SLC8A1: variants seen among roughly 807,000 people sequenced by gnomAD.
SLC8A1 encodes the protein sodium/calcium exchanger 1.
A neutral mutation model predicts 68.3 loss-of-function variants in SLC8A1; 18 were observed. That is an observed-to-expected ratio of 0.26 (90% CI 0.18 to 0.39). The LOEUF is 0.39. SLC8A1 is among the 10% of genes least tolerant of loss of function. The pLI is 1.00. For synonymous variants in SLC8A1, 475 were observed against 415.5 expected (o/e 1.14, Z -1.74); for missense variants, 985 against 1,156.7 (o/e 0.85, Z 2.15).
chr2:40,250,531 C>A (rs957254213), intron 2 of SLC8A1: 1 of 150,860 alleles, frequency 6.6e-6, no homozygotes, highest in African/African-American at 2.5e-5. Context: ...CGTGGGGGGG[C>A]GGTGTCAGGA....
intron 2 of SLC8A1, among the ~76,000 whole-genome samples, chr2:40,398,214 C>G (rs995084674): frequency 2.0e-5 from 3 of 152,206 alleles, no homozygotes; most frequent in Non-Finnish European, 2.9e-5. Context: ...GGTCCCTTCT[C>G]CCTAGTCTTG....
intron 2 of SLC8A1, among the ~76,000 whole-genome samples, chr2:40,203,690 C>T (rs2148724021): frequency 6.6e-6 from 1 of 151,956 alleles, no homozygotes; most frequent in East Asian, 1.9e-4. Flanking sequence ...AATCAAATGC[C>T]TGCATTCTAA....
chr2:40,399,633 C>G (rs1361136925), intron 2 of SLC8A1, among the ~76,000 whole-genome samples: 3 of 152,048 alleles, frequency 2.0e-5, no homozygotes, highest in African/African-American at 7.2e-5. Flanking sequence ...GTTATGTTAC[C>G]AAAAATGCTA....
intron 2 of SLC8A1, among the ~76,000 whole-genome samples, chr2:40,255,658 G>GAAAA (rs775580985): frequency 6.6e-6 from 1 of 152,076 alleles, no homozygotes; most frequent in Non-Finnish European, 1.5e-5. Flanking sequence ...TTTTGTTGTG[G>GAAAA]AAAATAAATA....
intron 2 of SLC8A1, among the ~76,000 whole-genome samples, chr2:40,351,492 C>T (rs537258444): frequency 6.6e-5 from 10 of 152,024 alleles, no homozygotes; most frequent in African/African-American, 2.4e-4. Flanking sequence ...TCTGCCCCTC[C>T]TGTGATGCCG....
intron 1 of SLC8A1, among the ~76,000 whole-genome samples, chr2:40,447,684 TA>T (rs1701707397): frequency 6.6e-6 from 1 of 152,158 alleles, no homozygotes; most frequent in African/African-American, 2.4e-5. Context: ...TATTAGGGTC[TA>T]TTAGATAGAA....
At chr2:40,151,819 G>C (rs1318402723) in intron 6 of SLC8A1, among the ~76,000 whole-genome samples, 2 of 152,176 alleles carry the variant, frequency 1.3e-5, no homozygotes, top group African/African-American at 4.8e-5. Context: ...AAAGTTTAGT[G>C]AGTGGCATTG....
At chr2:40,198,995 C>A (rs574851859) in intron 2 of SLC8A1, among the ~76,000 whole-genome samples, 2 of 150,702 alleles carry the variant, frequency 1.3e-5, no homozygotes, top group South Asian at 2.1e-4. Flanking sequence ...CATGAATGTT[C>A]TATTGTAAGC....
intron 2 of SLC8A1, among the ~76,000 whole-genome samples, chr2:40,250,759 G>C (rs918918191): frequency 1.3e-5 from 2 of 152,154 alleles, no homozygotes; most frequent in African/African-American, 2.4e-5. Flanking sequence ...TGTTCCACTG[G>C]TTTAGAATTT....
chr2:40,473,535 C>T (rs1704113730), intron 1 of SLC8A1, among the ~76,000 whole-genome samples: 1 of 152,146 alleles, frequency 6.6e-6, no homozygotes, highest in African/African-American at 2.4e-5. Context: ...CTTGTAAAGA[C>T]AAACATTTTA....
At chr2:40,385,358 C>G (rs1308884876) in intron 2 of SLC8A1, among the ~76,000 whole-genome samples, 1 of 146,828 alleles carries the variant, frequency 6.8e-6, no homozygotes, top group Non-Finnish European at 1.5e-5. Flanking sequence ...AGAAAGTTGT[C>G]TTGAATACTG....
chr2:40,279,491 C>T (rs2067211875), intron 2 of SLC8A1, among the ~76,000 whole-genome samples: 1 of 152,058 alleles, frequency 6.6e-6, no homozygotes, highest in South Asian at 2.1e-4. Flanking sequence ...CAATTTGGGG[C>T]ACTGTGACAT....
At chr2:40,452,471 A>G (rs1046532587), upstream of SLC8A1, among the ~76,000 whole-genome samples, 2 of 152,140 alleles carry the variant, frequency 1.3e-5, no homozygotes, top group African/African-American at 4.8e-5. Context: ...CCCATCGATG[A>G]CACGCGCACA....
chr2:40,342,734 A>C (rs1336000563), intron 2 of SLC8A1, among the ~76,000 whole-genome samples: 19 of 152,152 alleles, frequency 1.2e-4, no homozygotes, highest in Admixed American at 1.2e-3. Flanking sequence ...TCACACAATA[A>C]ACTTCAAGGT....
intron 5 of SLC8A1, among the ~76,000 whole-genome samples, chr2:40,161,925 G>T (rs1281543956): frequency 6.6e-6 from 1 of 152,198 alleles, no homozygotes; most frequent in Non-Finnish European, 1.5e-5. Context: ...GTTTAAGAGA[G>T]CACATTTCCA....
chr2:40,258,882 T>G (rs1034433355), intron 2 of SLC8A1, among the ~76,000 whole-genome samples: 1 of 148,504 alleles, frequency 6.7e-6, no homozygotes, highest in African/African-American at 2.5e-5. Context: ...AAAAACCCAA[T>G]CTTCCTGATG....
At chr2:40,103,345 C>T (rs143959919) in exon 8 of SLC8A1, 6 of 152,194 alleles carry the variant, frequency 3.9e-5, no homozygotes, top group South Asian at 2.1e-4. Context: ...TGTGGCCGAC[C>T]GGTTGATTGC....
chr2:40,426,736 C>A (rs1215090388), intron 2 of SLC8A1, among the ~76,000 whole-genome samples: 1 of 151,992 alleles, frequency 6.6e-6, no homozygotes, highest in East Asian at 1.9e-4. Context: ...CTTATGAGTT[C>A]ATTTAACGAC....
intron 2 of SLC8A1, among the ~76,000 whole-genome samples, chr2:40,252,983 CTGTATATA>C (rs1288214548): frequency 1.5e-5 from 2 of 136,370 alleles, no homozygotes; most frequent in South Asian, 4.5e-4. Flanking sequence ...ATATATGTAT[CTGTATATA>C]TGTATATACA....
Sources: gnomAD v4.1 joint callset for allele counts (sites outside exome capture counted in the v4.1 genomes callset) on GRCh38, gnomAD v4.1.1 for gene constraint, MANE v1.5 for transcripts, NCBI Gene and HGNC (gene_info 2026-07-23, HGNC 2026-07-21) for gene names.